ZMAT4: variants seen among roughly 807,000 people sequenced by gnomAD.
ZMAT4 encodes zinc finger matrin-type 4, also known as zinc finger matrin-type protein 4.
Under a neutral mutation model 28.7 loss-of-function variants are expected in ZMAT4, and 17 were observed. The ratio of observed to expected loss-of-function variants is 0.59; its 90% CI spans 0.41 to 0.89. The LOEUF (loss-of-function observed/expected upper bound fraction) is 0.89. ZMAT4 is among the 40% of genes least tolerant of loss of function. ZMAT4 has a pLI of 0.00. For missense variants in ZMAT4, 240 were observed against 283.8 expected (o/e 0.85, Z 1.11); for synonymous variants, 117 against 109.2 (o/e 1.07, Z -0.44).
intron 2 of ZMAT4, 60 bp downstream of exon 2, chr8:40,825,515 A>G: frequency 1.4e-6 from 2 of 1,433,096 alleles, no homozygotes; most frequent in East Asian, 2.5e-5. Flanking sequence ...GAGTCCTACA[A>G]CAATGACCCG....
At chr8:40,632,167 C>G (rs557040977) in intron 5 of ZMAT4, among the ~76,000 whole-genome samples, 118 of 152,208 alleles carry the variant, frequency 7.8e-4, no homozygotes, top group African/African-American at 2.7e-3. Flanking sequence ...GTATTTGGTG[C>G]CTGAAGTCTG....
At chr8:40,538,024 C>T (rs115335137) in intron 6 of ZMAT4, among the ~76,000 whole-genome samples, 2,133 of 152,312 alleles carry the variant, frequency 0.014, 37 homozygotes, top group African/African-American at 0.036. Context: ...GGACTTCCTG[C>T]TCAGCCAGGG....
intron 3 of ZMAT4, among the ~76,000 whole-genome samples, chr8:40,737,270 T>C (rs1811807579): frequency 6.6e-6 from 1 of 151,932 alleles, no homozygotes; most frequent in South Asian, 2.1e-4. Flanking sequence ...TTATGTGTGG[T>C]CCAAGACAAC....
chr8:40,822,863 T>C (rs1210099066), intron 2 of ZMAT4, among the ~76,000 whole-genome samples: 2 of 152,332 alleles, frequency 1.3e-5, no homozygotes, highest in South Asian at 2.1e-4. Context: ...TAATTGCAGA[T>C]CTGTTGTAAT....
At chr8:40,643,580 C>T (rs770893776) in intron 5 of ZMAT4, among the ~76,000 whole-genome samples, 2 of 152,062 alleles carry the variant, frequency 1.3e-5, no homozygotes, top group South Asian at 2.1e-4. Flanking sequence ...TCACAAACTC[C>T]GTCCAGAGGG....
chr8:40,585,747 T>C (rs1282642069), intron 5 of ZMAT4, among the ~76,000 whole-genome samples: 1 of 152,094 alleles, frequency 6.6e-6, no homozygotes, highest in East Asian at 1.9e-4. Context: ...TCTGACCCAT[T>C]CTCCTCTTCT....
At chr8:40,783,408 A>G (rs896343453) in intron 2 of ZMAT4, among the ~76,000 whole-genome samples, 4 of 152,192 alleles carry the variant, frequency 2.6e-5, no homozygotes, top group Admixed American at 6.5e-5. Context: ...AAAGGGGAGA[A>G]TAGGCACAGA....
intron 6 of ZMAT4, among the ~76,000 whole-genome samples, chr8:40,564,595 A>C (rs1385094019): frequency 6.6e-6 from 1 of 152,240 alleles, no homozygotes; most frequent in Admixed American, 6.5e-5. Flanking sequence ...GGGAGAACAT[A>C]TCACTTTGAG....
At chr8:40,747,568 T>C (rs966367200) in intron 3 of ZMAT4, among the ~76,000 whole-genome samples, 1 of 151,722 alleles carries the variant, frequency 6.6e-6, no homozygotes, top group East Asian at 1.9e-4. Context: ...AGAAAACTCA[T>C]GCCCAGGAGT....
intron 1 of ZMAT4, among the ~76,000 whole-genome samples, chr8:40,874,144 C>T (rs1045509972): frequency 2.0e-5 from 3 of 152,186 alleles, no homozygotes; most frequent in Non-Finnish European, 4.4e-5. Context: ...AACACTCAGA[C>T]CTGTTGTCAG....
chr8:40,756,667 G>C (rs974739803), intron 3 of ZMAT4, among the ~76,000 whole-genome samples: 6 of 123,252 alleles, frequency 4.9e-5, no homozygotes, highest in African/African-American at 1.8e-4. Context: ...GTGTGTGTGT[G>C]TACTGGATTC....
chr8:40,827,008 C>G (rs1265820746), intron 1 of ZMAT4, among the ~76,000 whole-genome samples: 1 of 152,188 alleles, frequency 6.6e-6, no homozygotes, highest in Admixed American at 6.5e-5. Context: ...CAGACAACAG[C>G]AATATGGTAG....
intron 1 of ZMAT4, among the ~76,000 whole-genome samples, chr8:40,856,337 A>G (rs568953294): frequency 6.6e-6 from 1 of 152,302 alleles, no homozygotes; most frequent in South Asian, 2.1e-4. Flanking sequence ...GGGTCAGCGC[A>G]AAGATGGAAA....
intron 5 of ZMAT4, among the ~76,000 whole-genome samples, chr8:40,617,086 A>C (rs1182633644): frequency 6.6e-6 from 1 of 152,134 alleles, no homozygotes; most frequent in African/African-American, 2.4e-5. Context: ...TGATGTCACA[A>C]TGTGATATCG....
At chr8:40,673,784 G>A (rs1002084491) in intron 5 of ZMAT4, among the ~76,000 whole-genome samples, 32 of 152,176 alleles carry the variant, frequency 2.1e-4, no homozygotes, top group African/African-American at 7.2e-4. Context: ...TAATCCTCAC[G>A]CTATGTTTTC....
At chr8:40,552,010 C>T (rs1049810368) in intron 6 of ZMAT4, among the ~76,000 whole-genome samples, 2 of 152,082 alleles carry the variant, frequency 1.3e-5, no homozygotes, top group Non-Finnish European at 2.9e-5. Flanking sequence ...GACACAAAAT[C>T]GCTGCTCAAC....
At chr8:40,881,590 GAAAGAAAGA>G (rs772951234) in intron 1 of ZMAT4, among the ~76,000 whole-genome samples, 2,831 of 100,634 alleles carry the variant, frequency 0.028, 132 homozygotes, top group African/African-American at 0.034. Flanking sequence ...AAGAAAGAAA[GAAAGAAAGA>G]AAAGAAAAGA....
At chr8:40,765,539 G>C (rs1813121714) in intron 3 of ZMAT4, among the ~76,000 whole-genome samples, 1 of 152,166 alleles carries the variant, frequency 6.6e-6, no homozygotes. Flanking sequence ...GTAGATCAAG[G>C]TTTTTCAAAA....
chr8:40,556,142 CCT>C (rs1303235555), intron 6 of ZMAT4, among the ~76,000 whole-genome samples: 1 of 152,038 alleles, frequency 6.6e-6, no homozygotes, highest in African/African-American at 2.4e-5. Flanking sequence ...TCCTTGCTTG[CCT>C]CTCTCCTTAC....
Sources: gnomAD v4.1 joint callset for allele counts (sites outside exome capture counted in the v4.1 genomes callset) on GRCh38, gnomAD v4.1.1 for gene constraint, MANE v1.5 for transcripts, NCBI Gene and HGNC (gene_info 2026-07-23, HGNC 2026-07-21) for gene names.